NFIA: variants seen among roughly 807,000 people sequenced by gnomAD.
The protein encoded by NFIA is nuclear factor 1 A-type.
NFIA carries 8 observed loss-of-function variants against 62.8 expected under a neutral mutation model. The ratio of observed to expected loss-of-function variants is 0.13; its 90% CI spans 0.07 to 0.23. The LOEUF (loss-of-function observed/expected upper bound fraction) is 0.23. Ranked by LOEUF, NFIA falls within the 10% of genes least tolerant of loss-of-function variation. The pLI, the probability that NFIA is intolerant of heterozygous loss-of-function variation, is 1.00. For missense variants in NFIA, 410 were observed against 642.1 expected (o/e 0.64, Z 3.91); for synonymous variants, 235 against 238.1 (o/e 0.99, Z 0.12).
At chr1:61,397,437 C>T (rs1189347996) in intron 7 of NFIA, among the ~76,000 whole-genome samples, 1 of 152,112 alleles carries the variant, frequency 6.6e-6, no homozygotes, top group Non-Finnish European at 1.5e-5. Flanking sequence ...CAACAAGTAC[C>T]TCTTGTTCCA....
At chr1:61,095,347 C>G (rs1013368343) in intron 2 of NFIA, among the ~76,000 whole-genome samples, 2 of 152,216 alleles carry the variant, frequency 1.3e-5, no homozygotes, top group Non-Finnish European at 2.9e-5. Flanking sequence ...GTAATGCACT[C>G]TCTATTTGAA....
intron 2 of NFIA, among the ~76,000 whole-genome samples, chr1:61,239,729 T>TA (rs2100643600): frequency 6.6e-6 from 1 of 152,286 alleles, no homozygotes; most frequent in East Asian, 1.9e-4. Flanking sequence ...TTATTCGAAA[T>TA]AATTGTCAAA....
chr1:61,357,109 C>T (rs866211740), intron 5 of NFIA, among the ~76,000 whole-genome samples: 42 of 152,338 alleles, frequency 2.8e-4, no homozygotes, highest in African/African-American at 6.0e-4. Context: ...CCTTCTCACT[C>T]GCTGTGCCCC....
chr1:61,082,896 G>T lies in NFIA; in HGVS notation c.27+78G>T, dbSNP rs569740065. 4.6e-5 allele frequency: 66 copies of T among 1,429,858 alleles called. No homozygotes were observed. In the South Asian group the frequency reaches 8.6e-4, roughly 19 times the overall value. The allele number at this position is 1,429,858 out of a possible 1,614,324, so 88.6% of individuals were successfully genotyped here. A position where few individuals can be genotyped will look rare whatever the true frequency, so the allele number is the denominator to read the frequency against. On this transcript the variant is annotated intron_variant, in intron 1 of 10. Coordinates refer to ENST00000403491, the MANE Select transcript of NFIA (RefSeq NM_001134673.4). ...GGCTGGGGCTGGGTGGGGGGCACCG[G>T]GGCCGTCGCTCCGGCCGGGCCCAGG...
At chr1:61,252,357 A>AT (rs1570455736) in intron 2 of NFIA, among the ~76,000 whole-genome samples, 1 of 152,314 alleles carries the variant, frequency 6.6e-6, no homozygotes, top group East Asian at 1.9e-4. Flanking sequence ...GGACCTGTTT[A>AT]TACTAGTCTT....
intron 2 of NFIA, among the ~76,000 whole-genome samples, chr1:61,117,695 GT>G (rs1171932119): frequency 6.6e-6 from 1 of 152,114 alleles, no homozygotes; most frequent in African/African-American, 2.4e-5. Context: ...ATAATTTGGT[GT>G]CCTGACAGAC....
intron 1 of NFIA, among the ~76,000 whole-genome samples, chr1:61,084,760 C>T (rs1373559703): frequency 6.6e-6 from 1 of 151,992 alleles, no homozygotes; most frequent in African/African-American, 2.4e-5. Context: ...TATATGAGGG[C>T]ACCTGTATAT....
chr1:61,397,608 T>C (rs531239324), intron 7 of NFIA, among the ~76,000 whole-genome samples: 1 of 152,318 alleles, frequency 6.6e-6, no homozygotes, highest in African/African-American at 2.4e-5. Flanking sequence ...AACTGTGCCG[T>C]GTGCCTTATA....
chr1:61,173,996 T>C (rs1034927973), intron 2 of NFIA, among the ~76,000 whole-genome samples: 2 of 152,150 alleles, frequency 1.3e-5, no homozygotes, highest in African/African-American at 2.4e-5. Flanking sequence ...TGAATAGAGA[T>C]AAATGCTAAG....
At chr1:61,172,374 A>C (rs1650029269) in intron 2 of NFIA, among the ~76,000 whole-genome samples, 1 of 152,240 alleles carries the variant, frequency 6.6e-6, no homozygotes, top group African/African-American at 2.4e-5. Context: ...TTAAAATACA[A>C]ATTTAAAGCA....
At chr1:61,235,187 G>A (rs1424755845) in intron 2 of NFIA, among the ~76,000 whole-genome samples, 1 of 152,198 alleles carries the variant, frequency 6.6e-6, no homozygotes, top group South Asian at 2.1e-4. Flanking sequence ...AAGGGGCTGG[G>A]CGCGGTGGCT....
chr1:61,349,758 A>T (rs916064440), intron 4 of NFIA, among the ~76,000 whole-genome samples: 4 of 152,008 alleles, frequency 2.6e-5, no homozygotes, highest in Non-Finnish European at 5.9e-5. Flanking sequence ...TTTTAAAAAA[A>T]ATATTTTTTT....
At chr1:61,165,210 T>C (rs1029491816) in intron 2 of NFIA, among the ~76,000 whole-genome samples, 6 of 152,230 alleles carry the variant, frequency 3.9e-5, no homozygotes, top group African/African-American at 1.4e-4. Context: ...TTTTTAAAAA[T>C]GATGGATAAA....
At chr1:61,368,961 C>T (rs1362319268) in intron 6 of NFIA, among the ~76,000 whole-genome samples, 1 of 152,152 alleles carries the variant, frequency 6.6e-6, no homozygotes, top group Non-Finnish European at 1.5e-5. Context: ...TAAATAAGTA[C>T]CCAATGGCTG....
chr1:61,130,949 TC>T (rs1647061600), intron 2 of NFIA, among the ~76,000 whole-genome samples: 1 of 152,188 alleles, frequency 6.6e-6, no homozygotes, highest in Non-Finnish European at 1.5e-5. Flanking sequence ...GTTTCTTTTT[TC>T]CTCAAGGCAC....
chr1:61,214,623 C>G (rs925134788), intron 2 of NFIA, among the ~76,000 whole-genome samples: 2 of 152,096 alleles, frequency 1.3e-5, no homozygotes, highest in Admixed American at 6.6e-5. Context: ...AAGAGATTTT[C>G]CCCAAATCAT....
chr1:61,351,441 G>A (rs558582496), intron 4 of NFIA, among the ~76,000 whole-genome samples: 4 of 152,208 alleles, frequency 2.6e-5, no homozygotes, highest in East Asian at 3.9e-4. Context: ...ATTTATTCCA[G>A]TATCAAATCA....
chr1:61,109,349 T>G (rs1646656827), intron 2 of NFIA, among the ~76,000 whole-genome samples: 1 of 151,916 alleles, frequency 6.6e-6, no homozygotes, highest in Non-Finnish European at 1.5e-5. Flanking sequence ...AGGTCCCAAC[T>G]GTCATTGTTC....
At chr1:61,129,891 C>G (rs977088109) in intron 2 of NFIA, among the ~76,000 whole-genome samples, 2 of 152,152 alleles carry the variant, frequency 1.3e-5, no homozygotes, top group Non-Finnish European at 2.9e-5. Context: ...ATTCCTACTC[C>G]TACAGAGAGC....
Sources: allele counts gnomAD v4.1 joint callset (sites outside exome capture counted in the v4.1 genomes callset), GRCh38; gene constraint gnomAD v4.1.1; transcripts MANE v1.5; gene names NCBI Gene and HGNC (gene_info 2026-07-23, HGNC 2026-07-21).